Variants in ANKRD40 observed in about 807,000 individuals in gnomAD.
ANKRD40 encodes the protein ankyrin repeat domain 40.
Under a neutral mutation model 35.5 loss-of-function variants are expected in ANKRD40, and 24 were observed. The ratio of observed to expected loss-of-function variants is 0.68; its 90% CI spans 0.49 to 0.95. The LOEUF is 0.95. ANKRD40 is among the 40% of genes least tolerant of loss of function. ANKRD40 has a pLI of 0.00. For missense variants in ANKRD40, 361 were observed against 436.0 expected (o/e 0.83, Z 1.53); for synonymous variants, 147 against 173.5 (o/e 0.85, Z 1.20).
intron 4 of ANKRD40, 109 bp downstream of exon 4, chr17:50,696,831 C>T: frequency 9.6e-7 from 1 of 1,038,154 alleles, no homozygotes; most frequent in Non-Finnish European, 1.3e-6. Context: ...TCACTCTTTG[C>T]TCCTTTTCTA....
At chr17:50,706,903 CAAAAAAAAAAAAA>C (rs35024672) in intron 1 of ANKRD40, among the ~76,000 whole-genome samples, 7 of 37,984 alleles carry the variant, frequency 1.8e-4, no homozygotes, top group Admixed American at 1.6e-3. Context: ...GACCCTGTCT[CAAAAAAAAAAAAA>C]AAAAAAAAAA....
In ANKRD40 at chr17:50,702,640, A is replaced by G. The variant is rs77392596; in HGVS notation, c.135-1924T>C. Reference sequence around the variant, plus strand: ...GGAAATAAAATGCTCACTTGCTAGTAGTAGATCACTTGTTCGTGGCAAGCT... The same window carrying G: ...GGAAATAAAATGCTCACTTGCTAGTGGTAGATCACTTGTTCGTGGCAAGCT... On this transcript the variant is annotated intron_variant, in intron 1 of 4. Transcript: ENST00000285243. Among the ~76,000 whole-genome samples, 1,407 of 152,348 alleles carry G rather than the reference A, an allele frequency of 9.2e-3. 33 individuals are homozygous for G. Among genetic ancestry groups the G allele is most frequent in the Admixed American group, 0.049 (747 of 15,298 alleles).
In ANKRD40 at chr17:50,699,639, T is replaced by G. The variant is rs181022854; in HGVS notation, c.538A>C (p.Thr180Pro). 1.2e-3 allele frequency: 1,914 copies of G among 1,613,410 alleles called. 7 individuals carry two copies. Among genetic ancestry groups the G allele is most frequent in the Non-Finnish European group, 1.1e-3 (1,339 of 1,179,866 alleles). The change falls in exon 3 of 5, where the codon ACC becomes CCC. Residue 180 changes from threonine (T) to proline (P), a missense_variant. Transcript: ENST00000285243. ...PLLGTFPRDH[T>P]SLALVQNGDV... is the part of the protein sequence containing the mutation. Reference sequence around the variant, plus strand: ...CCATTCTGAACTAGTGCCAAAGAGGTGTGGTCCCGGGGAAAGGTCCCTAAC... The same window carrying G: ...CCATTCTGAACTAGTGCCAAAGAGGGGTGGTCCCGGGGAAAGGTCCCTAAC...
chr17:50,700,491 T>C, intron 2 of ANKRD40, 77 bp downstream of exon 2: 2 of 1,433,420 alleles, frequency 1.4e-6, no homozygotes, highest in Non-Finnish European at 1.9e-6. Flanking sequence ...TTGACCAGCA[T>C]TAAGAACGTA....
At chr17:50,706,795 T>C (rs1480619935) in intron 1 of ANKRD40, among the ~76,000 whole-genome samples, 1 of 144,772 alleles carries the variant, frequency 6.9e-6, no homozygotes, top group Admixed American at 7.1e-5. Context: ...TCCCAGCTAT[T>C]TGGGAGGCTG....
intron 4 of ANKRD40, 169 bp downstream of exon 4, chr17:50,696,771 A>AAT: frequency 1.8e-6 from 1 of 540,710 alleles, no homozygotes; most frequent in Non-Finnish European, 2.9e-6. Context: ...AAAAAAAAAA[A>AAT]GCCAGTGTCC....
rs569028895 is a variant in ANKRD40 at position 50,693,348 on chromosome 17, G to C, written c.*2649C>G. 1 of 151,704 alleles carries C rather than the reference G, an allele frequency of 6.6e-6. No homozygotes were observed. Among genetic ancestry groups the C allele is most frequent in the African/African-American group, 2.4e-5 (1 of 41,368 alleles). The allele number at this position is 151,704 out of a possible 1,614,324, so 9.4% of individuals were successfully genotyped here. On this transcript the variant is annotated 3_prime_UTR_variant, in exon 5 of 5. Coordinates refer to ENST00000285243, the MANE Select transcript of ANKRD40 (RefSeq NM_052855.4). ...GAGGGGTGAATTCACAGTTAACAAA[G>C]CTAAAAAAAAAATCCTTGTTATAAA...
intron 1 of ANKRD40, among the ~76,000 whole-genome samples, chr17:50,701,924 G>C (rs1968277587): frequency 6.6e-6 from 1 of 152,184 alleles, no homozygotes; most frequent in East Asian, 1.9e-4. Flanking sequence ...ATGTCTCAGA[G>C]TGACATTCTA....
At position 50,707,559 on chromosome 17, in the gene ANKRD40, G is replaced by T. The variant is rs1483285741; in HGVS notation, c.96C>A (p.Ser32Arg). 5.0e-6 allele frequency: 8 copies of T among 1,608,056 alleles called. No individual in the cohort carries two copies. Among genetic ancestry groups the T allele is most frequent in the Non-Finnish European group, 6.8e-6 (8 of 1,177,146 alleles). ...DIREVQKLVE[S>R]GVDVNSQNEV... ...CATTTTGGGAGTTCACATCCACCCC[G>T]CTCTCCACCAGTTTCTGCACCTCCC... The change falls in exon 1 of 5, where the codon AGC (serine) becomes AGA (arginine). Residue 32 changes from serine to arginine, a missense_variant. Ser to Arg is a moderately radical substitution (Grantham distance 110, BLOSUM62 -1). This residue lies in a region of ANKRD40 where 56 missense variants were observed against 47.1 expected (regional missense o/e 1.19). Transcript: ENST00000285243. The surrounding 1 kb of genome is among the most constrained non-coding windows in gnomAD (Gnocchi z 4.8).
intron 1 of ANKRD40, 68 bp from the exon 2 acceptor site, chr17:50,700,784 G>A: frequency 1.4e-6 from 2 of 1,438,796 alleles, no homozygotes; most frequent in Non-Finnish European, 1.9e-6. Flanking sequence ...CTAAACATTA[G>A]TAAATAATGT....
At position 50,699,859 on chromosome 17, in the gene ANKRD40, G is replaced by GTCATCA. The variant is rs138572332; in HGVS notation, c.312_317dup (p.Asp105_Asp106dup). ...ACTCCTTCTTCAGCTGGGGGAGGTTGTCATCATCATCATCATCATCATCTT... is the reference window on the plus strand; with the variant it reads ...ACTCCTTCTTCAGCTGGGGGAGGTTGTCATCATCATCATCATCATCATCATCATCTT... On this transcript the variant is annotated inframe_insertion, in exon 3 of 5. Transcript: ENST00000285243. 6.1e-5 allele frequency: 92 copies of GTCATCA among 1,515,544 alleles called. No homozygotes were observed. Among genetic ancestry groups the GTCATCA allele is most frequent in the African/African-American group, 1.3e-4 (9 of 71,562 alleles). The allele number at this position is 1,515,544 out of a possible 1,614,324, so 93.9% of individuals were successfully genotyped here.
intron 1 of ANKRD40, 111 bp from the exon 2 acceptor site, chr17:50,700,827 A>G: frequency 1.0e-6 from 1 of 981,080 alleles, no homozygotes; most frequent in South Asian, 2.7e-5. Context: ...AGCTAGAACC[A>G]GGTAACCGGG....
chr17:50,700,017 T>A lies in ANKRD40; in HGVS notation c.284-124A>T, dbSNP rs1350383262. On this transcript the variant is annotated intron_variant, in intron 2 of 4. Coordinates refer to ENST00000285243, the MANE Select transcript of ANKRD40 (RefSeq NM_052855.4). Reference sequence around the variant, plus strand: ...AGTGTCAGGTCAGAAGAAAAAAGAATACTTCATTAGGTTTATGATTACCAT... The same window carrying A: ...AGTGTCAGGTCAGAAGAAAAAAGAAAACTTCATTAGGTTTATGATTACCAT... 4 of 876,018 alleles carry A rather than the reference T, an allele frequency of 4.6e-6. No homozygotes were observed. The Admixed American group carries it at 1.1e-4, about 24-fold the overall frequency. 54.3% of individuals were successfully genotyped at this position (876,018 alleles called of 1,614,324 possible).
At position 50,707,779 on chromosome 17, in the gene ANKRD40, CT is replaced by C. The variant is rs1968360580; in HGVS notation, c.-126del. ...GGAGGGAGCGCGGAACTCGCCCGCC[CT>C]GCTCGCGCCGCTGCCCGCGCCCGCC... On this transcript the variant is annotated 5_prime_UTR_variant, in exon 1 of 5. Transcript: ENST00000285243. The surrounding 1 kb of genome is among the most constrained non-coding windows in gnomAD (Gnocchi z 4.8). 1 of 620,286 alleles carries C rather than the reference CT, an allele frequency of 1.6e-6. No homozygotes were observed. Among genetic ancestry groups the C allele is most frequent in the Admixed American group, 5.8e-5 (1 of 17,154 alleles). 38.4% of individuals were successfully genotyped at this position (620,286 alleles called of 1,614,324 possible).
intron 4 of ANKRD40, 132 bp from the exon 5 acceptor site, chr17:50,696,275 A>G (rs1450493605): frequency 2.9e-6 from 3 of 1,021,746 alleles, no homozygotes; most frequent in Non-Finnish European, 4.2e-6. Flanking sequence ...TGGCAGGCTA[A>G]GTCAGTGATA....
Position 50,707,315 on chromosome 17 carries a change from C to T in ANKRD40, c.134+206G>A, listed in dbSNP as rs1260473911. Among the ~76,000 whole-genome samples the T allele has an allele frequency of 6.6e-5, 10 of 152,032 alleles. No individual in the cohort carries two copies. The highest frequency in any genetic ancestry group is 6.6e-4 in the Admixed American group (10 of 15,266). Reference sequence around the variant, plus strand: ...AGTGGGCGCTGCCCCGAGTGGACCACGTGGGCCGGGATTTGGGCAGGACGC... The same window carrying T: ...AGTGGGCGCTGCCCCGAGTGGACCATGTGGGCCGGGATTTGGGCAGGACGC... On this transcript the variant is annotated intron_variant, in intron 1 of 4. Coordinates refer to ENST00000285243, the MANE Select transcript of ANKRD40 (RefSeq NM_052855.4). This position sits in a 1 kb window ranked among gnomAD's most constrained non-coding sequence, Gnocchi z 4.8.
intron 1 of ANKRD40, among the ~76,000 whole-genome samples, chr17:50,702,076 G>A (rs1968278844): frequency 6.6e-6 from 1 of 152,154 alleles, no homozygotes; most frequent in Non-Finnish European, 1.5e-5. Context: ...CTCCCTGAAG[G>A]CAAGGAAGTG....
intron 2 of ANKRD40, chr17:50,700,288 A>C: frequency 3.4e-6 from 1 of 294,200 alleles, no homozygotes; most frequent in Non-Finnish European, 6.3e-6. Flanking sequence ...TACTAAAAAT[A>C]CAAAATTAGC....
rs776284281 is a variant in ANKRD40, at chr17:50,700,700, C to A, written c.151G>T (p.Ala51Ser). 1.9e-6 allele frequency: 3 copies of A among 1,613,620 alleles called. No individual in the cohort carries two copies. Among genetic ancestry groups the A allele is most frequent in the Non-Finnish European group, 2.5e-6 (3 of 1,179,850 alleles). Residue 51 changes from alanine to serine, a missense_variant, in exon 2 of 5, where the codon GCA (alanine) becomes TCA (serine). By Grantham distance (99) the Ala-to-Ser change is moderately conservative (BLOSUM62 1). This residue lies in a region of ANKRD40 where 35 missense variants were observed against 68.4 expected (regional missense o/e 0.51). Coordinates refer to ENST00000285243, the MANE Select transcript of ANKRD40 (RefSeq NM_052855.4). ...ACCTGACCATGGTTTCGTTTACATG[C>A]CCAGTGTAAACAAGTCCTGTACCAA... ...EVNGWTCLHW[A>S]CKRNHGQVVS...
Sources: allele counts gnomAD v4.1 joint callset (sites outside exome capture counted in the v4.1 genomes callset), GRCh38; gene constraint gnomAD v4.1.1; regional missense constraint gnomAD v4.1.1; non-coding constraint Gnocchi (gnomAD v3.1); transcripts MANE v1.5; gene names NCBI Gene and HGNC (gene_info 2026-07-23, HGNC 2026-07-21).